The following RNF6 variants were observed in gnomAD, a reference collection of about 807,000 sequenced individuals.
RNF6 encodes ring finger protein 6.
A neutral mutation model predicts 50.1 loss-of-function variants in RNF6; 21 were observed. The observed-to-expected ratio is 0.42, with a 90% CI of 0.30 to 0.60. The LOEUF is 0.60. Among genes scored for constraint, RNF6 ranks in the 20% least tolerant of loss-of-function variants. The pLI is 0.20. For synonymous variants in RNF6, 255 were observed against 291.8 expected (o/e 0.87, Z 1.29); for missense variants, 698 against 838.2 (o/e 0.83, Z 2.07).
chr13:26,203,044 C>T (rs922536025), intron 5 of RNF6, among the ~76,000 whole-genome samples: 2 of 152,186 alleles, frequency 1.3e-5, no homozygotes, highest in African/African-American at 2.4e-5. Flanking sequence ...GAAAAACAGA[C>T]GACCAGAAAA....
intron 5 of RNF6, among the ~76,000 whole-genome samples, chr13:26,186,871 A>G (rs1157927855): frequency 6.6e-6 from 1 of 150,616 alleles, no homozygotes; most frequent in East Asian, 2.0e-4. Context: ...TCCGCCTCCC[A>G]GGTTCACGCC....
At chr13:26,139,906 C>A (rs1227596268) in intron 5 of RNF6, among the ~76,000 whole-genome samples, 1 of 152,084 alleles carries the variant, frequency 6.6e-6, no homozygotes, top group East Asian at 1.9e-4. Context: ...TCACTGTAAT[C>A]TTGAACTCTT....
intron 5 of RNF6, among the ~76,000 whole-genome samples, chr13:26,180,023 A>C (rs961421819): frequency 1.3e-5 from 2 of 152,096 alleles, no homozygotes; most frequent in Non-Finnish European, 2.9e-5. Flanking sequence ...TTGTGTCCCT[A>C]TAAGCCTGAG....
intron 5 of RNF6, among the ~76,000 whole-genome samples, chr13:26,187,421 A>G (rs369993419): frequency 2.8e-4 from 43 of 152,290 alleles, no homozygotes; most frequent in African/African-American, 1.0e-3. Flanking sequence ...GGTGTGCAAG[A>G]AAAATGCCTC....
At chr13:26,151,259 C>T (rs1335034269) in intron 5 of RNF6, among the ~76,000 whole-genome samples, 1 of 151,592 alleles carries the variant, frequency 6.6e-6, no homozygotes, top group Non-Finnish European at 1.5e-5. Flanking sequence ...TCCAGATGGT[C>T]TGATATCTTT....
chr13:26,171,356 C>T (rs1237875452), intron 5 of RNF6, among the ~76,000 whole-genome samples: 1 of 152,002 alleles, frequency 6.6e-6, no homozygotes, highest in African/African-American at 2.4e-5. Context: ...ACACTTCACA[C>T]CTATTAAGGT....
chr13:26,197,578 A>G (rs1868722178), intron 5 of RNF6, among the ~76,000 whole-genome samples: 1 of 151,760 alleles, frequency 6.6e-6, no homozygotes, highest in African/African-American at 2.4e-5. Context: ...CAAGCCCTCT[A>G]CTTGCTCTCC....
chr13:26,137,475 T>C (rs1870708667), intron 5 of RNF6, among the ~76,000 whole-genome samples: 1 of 151,996 alleles, frequency 6.6e-6, no homozygotes, highest in Non-Finnish European at 1.5e-5. Flanking sequence ...TCCCATTCAC[T>C]GAGATAAAAG....
At chr13:26,189,099 C>A (rs1273386242) in intron 5 of RNF6, among the ~76,000 whole-genome samples, 2 of 152,056 alleles carry the variant, frequency 1.3e-5, no homozygotes, top group African/African-American at 4.8e-5. Flanking sequence ...GAGGCCGAGG[C>A]AGGTGGATCA....
Position 26,201,149 on chromosome 13 carries a change from A to T in RNF6, n.768+14325T>A, listed in dbSNP as rs146257396. 2.0e-5 allele frequency among the ~76,000 whole-genome samples: 3 copies of T among 152,300 alleles called. No individual in the cohort carries two copies. In the East Asian group the frequency reaches 5.8e-4, roughly 29 times the overall value. ...GCTTTATATTTCCCATTTTTTTAAC[A>T]ATGGACCCCACATTTTATTTTGCAC... On this transcript the variant is annotated intron_variant and non_coding_transcript_variant, in intron 5 of 5. Transcript: ENST00000468480.
chr13:26,193,001 G>A (rs964223553), intron 5 of RNF6, among the ~76,000 whole-genome samples: 4 of 152,164 alleles, frequency 2.6e-5, no homozygotes, highest in African/African-American at 4.8e-5. Context: ...TTTTTGGCCT[G>A]AGTGACTGGT....
chr13:26,184,852 G>A (rs917005986), intron 5 of RNF6, among the ~76,000 whole-genome samples: 1 of 152,192 alleles, frequency 6.6e-6, no homozygotes, highest in African/African-American at 2.4e-5. Context: ...GCAGAAGGCA[G>A]GCGATCCAAA....
intron 5 of RNF6, among the ~76,000 whole-genome samples, chr13:26,205,688 A>G (rs1869078313): frequency 6.6e-6 from 1 of 152,238 alleles, no homozygotes; most frequent in Non-Finnish European, 1.5e-5. Flanking sequence ...CCTCTTTAAG[A>G]TTAAACCTAA....
chr13:26,162,593 G>A (rs1418136555), intron 5 of RNF6, among the ~76,000 whole-genome samples: 1 of 152,152 alleles, frequency 6.6e-6, no homozygotes, highest in Admixed American at 6.5e-5. Context: ...ATTCATTAAG[G>A]CATGCTTTTC....
chr13:26,216,327 A>G (rs1356828169), intron 4 of RNF6, among the ~76,000 whole-genome samples: 2 of 152,194 alleles, frequency 1.3e-5, no homozygotes, highest in Non-Finnish European at 2.9e-5. Context: ...AAGCCACCCC[A>G]TAAATGTTAG....
intron 5 of RNF6, among the ~76,000 whole-genome samples, chr13:26,162,597 G>T (rs1872264692): frequency 6.6e-6 from 1 of 152,168 alleles, no homozygotes; most frequent in Non-Finnish European, 1.5e-5. Context: ...ATTAAGGCAT[G>T]CTTTTCCTCA....
intron 5 of RNF6, among the ~76,000 whole-genome samples, chr13:26,166,602 C>T (rs4638424): frequency 0.73 from 110,943 of 152,086 alleles, 41,017 homozygotes; most frequent in Non-Finnish European, 0.79. Context: ...ATCTCATTCA[C>T]TCTTGCCACA....
At chr13:26,170,303 A>G (rs562323778) in intron 5 of RNF6, among the ~76,000 whole-genome samples, 5 of 152,126 alleles carry the variant, frequency 3.3e-5, no homozygotes, top group Admixed American at 6.5e-5. Flanking sequence ...TTTAATCAAA[A>G]GCAAAATCCA....
intron 5 of RNF6, among the ~76,000 whole-genome samples, chr13:26,174,505 A>T (rs1387385796): frequency 3.3e-5 from 5 of 151,376 alleles, no homozygotes; most frequent in South Asian, 2.1e-4. Context: ...ACAAAAAAAA[A>T]ATTAGCTGAG....
Sources: allele counts gnomAD v4.1 joint callset (sites outside exome capture counted in the v4.1 genomes callset), GRCh38; gene constraint gnomAD v4.1.1; transcripts MANE v1.5; gene names NCBI Gene and HGNC (gene_info 2026-07-23, HGNC 2026-07-21).